CNTN4: variants seen among roughly 807,000 people sequenced by gnomAD.
CNTN4 encodes contactin 4.
CNTN4 carries 77 observed loss-of-function variants against 122.5 expected under a neutral mutation model. That is an observed-to-expected ratio of 0.63 (90% CI 0.52 to 0.76). The LOEUF (loss-of-function observed/expected upper bound fraction) is 0.76, where lower values mean the gene tolerates loss of function less well. Among genes scored for constraint, CNTN4 ranks in the 30% least tolerant of loss-of-function variants. The probability of loss-of-function intolerance (pLI) is 0.00; values close to 1 mark genes in which losing one functional copy is unlikely to be tolerated. For synonymous variants in CNTN4, 512 were observed against 447.0 expected (o/e 1.15, Z -1.83); for missense variants, 1,256 against 1,259.1 (o/e 1.00, Z 0.04).
intron 2 of CNTN4, among the ~76,000 whole-genome samples, chr3:2,314,716 G>A (rs1354949418): frequency 1.3e-5 from 2 of 151,876 alleles, no homozygotes; most frequent in Non-Finnish European, 2.9e-5. Flanking sequence ...TGATACAAAT[G>A]TAAAAGAAAT....
chr3:3,026,163 T>C lies in CNTN4; in HGVS notation c.1548T>C (p.Val516=). The C allele has an allele frequency of 6.2e-7, 1 of 1,613,460 alleles. No homozygotes were observed. Among genetic ancestry groups the C allele is most frequent in the Non-Finnish European group, 8.5e-7 (1 of 1,179,556 alleles). Residue 516 remains valine, a synonymous_variant, in exon 15 of 25, where the codon GTT becomes GTC. Coordinates refer to ENST00000418658, the MANE Select transcript of CNTN4 (RefSeq NM_175607.3). Reference sequence around the variant, plus strand: ...ATGTCACTGTTGGAGAGAGTATTGTTTTACCGTGCCAGGTAACGCATGATC... The same window carrying C: ...ATGTCACTGTTGGAGAGAGTATTGTCTTACCGTGCCAGGTAACGCATGATC... ...SMDVTVGESI[V]LPCQVTHDHS...
intron 2 of CNTN4, among the ~76,000 whole-genome samples, chr3:2,282,689 A>G (rs980464173): frequency 6.6e-6 from 1 of 152,172 alleles, no homozygotes; most frequent in African/African-American, 2.4e-5. Flanking sequence ...ACACAAAATC[A>G]TGTACACAAG....
chr3:2,626,589 G>T (rs1376259601), intron 4 of CNTN4, among the ~76,000 whole-genome samples: 1 of 152,112 alleles, frequency 6.6e-6, no homozygotes, highest in Non-Finnish European at 1.5e-5. Flanking sequence ...TCATTTAAGA[G>T]GGAAAATAAT....
intron 5 of CNTN4, among the ~76,000 whole-genome samples, chr3:2,738,017 A>G (rs1019198904): frequency 6.6e-6 from 1 of 152,236 alleles, no homozygotes; most frequent in Non-Finnish European, 1.5e-5. Context: ...ATACTTTAAA[A>G]AGAAAGAGAG....
chr3:2,912,032 G>A (rs2094305620), intron 12 of CNTN4, among the ~76,000 whole-genome samples: 1 of 152,000 alleles, frequency 6.6e-6, no homozygotes, highest in Admixed American at 6.6e-5. Flanking sequence ...AAGAAAAAAT[G>A]GCTGAAAACT....
intron 20 of CNTN4, among the ~76,000 whole-genome samples, chr3:3,041,818 C>T (rs1200555832): frequency 1.3e-5 from 2 of 151,986 alleles, no homozygotes; most frequent in Non-Finnish European, 2.9e-5. Context: ...ATTAGCCAGG[C>T]GTGTTGGCAC....
rs2037498948 is a variant in CNTN4, at chr3:2,190,827, C to CAA, written c.-145+90189_-145+90190insAA. On this transcript the variant is annotated intron_variant, in intron 2 of 24. Transcript: ENST00000418658. Reference sequence around the variant, plus strand: ...TTATGCACACACACACACACACACACACACACATACACACACACACATAAA... The same window carrying CAA: ...TTATGCACACACACACACACACACACAAACACACATACACACACACACATAAA... Among the ~76,000 whole-genome samples the CAA allele has an allele frequency of 2.0e-5, 3 of 151,262 alleles. No individual in the cohort carries two copies. In the South Asian group the frequency reaches 6.3e-4, roughly 32 times the overall value.
intron 4 of CNTN4, among the ~76,000 whole-genome samples, chr3:2,637,914 A>G (rs569587123): frequency 8.5e-5 from 13 of 152,330 alleles, no homozygotes; most frequent in Admixed American, 7.8e-4. Context: ...GTTTTAAAAA[A>G]GCCAGAATTT....
intron 13 of CNTN4, among the ~76,000 whole-genome samples, chr3:2,968,542 T>C (rs1692556474): frequency 6.6e-6 from 1 of 152,172 alleles, no homozygotes. Context: ...TAAAGATGAA[T>C]CCTGAACTCT....
intron 4 of CNTN4, among the ~76,000 whole-genome samples, chr3:2,613,635 C>A (rs971527703): frequency 3.9e-5 from 6 of 151,952 alleles, no homozygotes; most frequent in African/African-American, 1.4e-4. Context: ...ATTTTGACTC[C>A]AATTTTTGCT....
intron 10 of CNTN4, among the ~76,000 whole-genome samples, chr3:2,892,024 G>A (rs528671470): frequency 6.6e-6 from 1 of 152,138 alleles, no homozygotes. Flanking sequence ...AATAGGATAT[G>A]CTCATTTCAT....
At chr3:2,738,568 T>G (rs2089276821) in intron 5 of CNTN4, among the ~76,000 whole-genome samples, 1 of 152,026 alleles carries the variant, frequency 6.6e-6, no homozygotes, top group Non-Finnish European at 1.5e-5. Flanking sequence ...ATGTTAGTAA[T>G]TCCACAAAAA....
chr3:2,402,653 C>G (rs1164593953), intron 3 of CNTN4, among the ~76,000 whole-genome samples: 1 of 151,794 alleles, frequency 6.6e-6, no homozygotes, highest in African/African-American at 2.4e-5. Flanking sequence ...GATCTTTTTC[C>G]TTCTATCTGT....
At chr3:2,924,434 A>G (rs1030471294) in intron 12 of CNTN4, among the ~76,000 whole-genome samples, 1 of 152,198 alleles carries the variant, frequency 6.6e-6, no homozygotes, top group Non-Finnish European at 1.5e-5. Flanking sequence ...TCAAACTGCA[A>G]TGAGTCAGGC....
chr3:2,125,328 C>CTGTGTGTGTG (rs1350582197), intron 2 of CNTN4, among the ~76,000 whole-genome samples: 13 of 69,934 alleles, frequency 1.9e-4, no homozygotes, highest in East Asian at 4.7e-4. Flanking sequence ...ACATTCTATT[C>CTGTGTGTGTG]TCTGTGTGTG....
intron 2 of CNTN4, among the ~76,000 whole-genome samples, chr3:2,205,406 C>G (rs980976074): frequency 6.7e-6 from 1 of 149,640 alleles, no homozygotes; most frequent in Non-Finnish European, 1.5e-5. Flanking sequence ...CAAAATTAAA[C>G]CTAATTTTAT....
chr3:2,883,106 A>G (rs761704058), intron 8 of CNTN4, 39 bp from the exon 9 acceptor site: 1 of 1,429,338 alleles, frequency 7.0e-7, no homozygotes, highest in Non-Finnish European at 9.8e-7. Context: ...ATACATTTTA[A>G]AAGAATCTCC....
At chr3:2,261,532 T>C (rs1296578154) in intron 2 of CNTN4, among the ~76,000 whole-genome samples, 1 of 152,204 alleles carries the variant, frequency 6.6e-6, no homozygotes, top group South Asian at 2.1e-4. Context: ...GCATTCTCTA[T>C]GTTAATAACT....
chr3:2,460,094 C>T (rs115868763), intron 3 of CNTN4, among the ~76,000 whole-genome samples: 1 of 151,986 alleles, frequency 6.6e-6, no homozygotes, highest in Admixed American at 6.6e-5. Flanking sequence ...TGATAGATCT[C>T]TAATATAGCA....
Sources: gnomAD v4.1 joint callset for allele counts (sites outside exome capture counted in the v4.1 genomes callset) on GRCh38, gnomAD v4.1.1 for gene constraint, MANE v1.5 for transcripts, NCBI Gene and HGNC (gene_info 2026-07-23, HGNC 2026-07-21) for gene names.